The following OR51C1 variants were observed in gnomAD, a reference collection of about 807,000 sequenced individuals.
OR51C1 encodes the protein olfactory receptor family 51 subfamily C member 1.
the OR51C1 span, among the ~76,000 whole-genome samples, chr11:4,692,852 GAA>G: frequency 2.2e-5 from 3 of 136,668 alleles, no homozygotes; most frequent in Admixed American, 2.2e-4. Flanking sequence ...AAGTCTTAGT[GAA>G]AAAAAAAGGG....
chr11:4,693,469 C>T, the OR51C1 span, among the ~76,000 whole-genome samples: 1 of 152,258 alleles, frequency 6.6e-6, no homozygotes, highest in African/African-American at 2.4e-5. Context: ...CGCCTGTAGT[C>T]CCAGCACTTT....
At chr11:4,693,971 A>T in the OR51C1 span, among the ~76,000 whole-genome samples, 1 of 152,238 alleles carries the variant, frequency 6.6e-6, no homozygotes, top group South Asian at 2.1e-4. Context: ...AAAAATGGTT[A>T]TGAAAGTACA....
the OR51C1 span, among the ~76,000 whole-genome samples, chr11:4,694,917 A>G: frequency 6.6e-6 from 1 of 152,094 alleles, no homozygotes. Flanking sequence ...TGATGGGTAA[A>G]TGTGAGTTTA....
At chr11:4,693,419 C>T in the OR51C1 span, among the ~76,000 whole-genome samples, 1 of 152,118 alleles carries the variant, frequency 6.6e-6, no homozygotes, top group Non-Finnish European at 1.5e-5. Flanking sequence ...TTCAGAACGG[C>T]ATGTGTAAAA....
At chr11:4,697,637 A>G in the OR51C1 span, 1 of 152,676 alleles carries the variant, frequency 6.5e-6, no homozygotes, top group Non-Finnish European at 1.5e-5. Flanking sequence ...TCATTGAACA[A>G]AACAGTTTTA....
the OR51C1 span, among the ~76,000 whole-genome samples, chr11:4,695,130 C>T: frequency 1.3e-5 from 2 of 152,104 alleles, no homozygotes; most frequent in African/African-American, 4.8e-5. Context: ...TCTTGAATTC[C>T]ATGGACAGTG....
chr11:4,690,816 A>G, the OR51C1 span: 1 of 442,456 alleles, frequency 2.3e-6, no homozygotes, highest in Non-Finnish European at 4.5e-6. Context: ...TTTGGTTTTC[A>G]CACTGTAGAT....
the OR51C1 span, chr11:4,691,634 T>C: frequency 2.3e-6 from 1 of 440,842 alleles, no homozygotes; most frequent in East Asian, 7.0e-5. Flanking sequence ...TGTGGAAGGC[T>C]TCCAGCCCAG....
At chr11:4,692,764 G>C in the OR51C1 span, among the ~76,000 whole-genome samples, 1 of 151,242 alleles carries the variant, frequency 6.6e-6, no homozygotes, top group Non-Finnish European at 1.5e-5. Context: ...TGACAAAAGA[G>C]AGGATGGAGA....
the OR51C1 span, among the ~76,000 whole-genome samples, chr11:4,695,397 A>G: frequency 6.6e-6 from 1 of 152,180 alleles, no homozygotes; most frequent in Admixed American, 6.6e-5. Context: ...TTGTATAGAT[A>G]TTTCCAAACA....
At chr11:4,697,254 C>T in the OR51C1 span, among the ~76,000 whole-genome samples, 1 of 152,154 alleles carries the variant, frequency 6.6e-6, no homozygotes, top group Admixed American at 6.5e-5. Flanking sequence ...GTAATATAAA[C>T]TTTCTGTGAC....
the OR51C1 span, among the ~76,000 whole-genome samples, chr11:4,692,723 G>C: frequency 6.6e-6 from 1 of 152,050 alleles, no homozygotes; most frequent in Non-Finnish European, 1.5e-5. Context: ...CAGAGGAAAA[G>C]AAAGGGTGCT....
the OR51C1 span, among the ~76,000 whole-genome samples, chr11:4,695,014 T>G: frequency 6.6e-6 from 1 of 152,136 alleles, no homozygotes; most frequent in Non-Finnish European, 1.5e-5. Context: ...CATAAGCCAG[T>G]TTGTTGGATA....
At chr11:4,692,687 G>C in the OR51C1 span, among the ~76,000 whole-genome samples, 1 of 152,162 alleles carries the variant, frequency 6.6e-6, no homozygotes, top group African/African-American at 2.4e-5. Flanking sequence ...ATCAATGAGA[G>C]AGAGCCAGTT....
At chr11:4,691,754 A>G in the OR51C1 span, 20 of 341,968 alleles carry the variant, frequency 5.8e-5, no homozygotes, top group Admixed American at 2.1e-4. Flanking sequence ...AAAAAGCTAC[A>G]TTCATTTGTG....
At chr11:4,694,957 T>G in the OR51C1 span, among the ~76,000 whole-genome samples, 1 of 152,136 alleles carries the variant, frequency 6.6e-6, no homozygotes, top group Non-Finnish European at 1.5e-5. Flanking sequence ...AAGTGTGCTT[T>G]TGCAGTGCCG....
the OR51C1 span, among the ~76,000 whole-genome samples, chr11:4,696,302 C>T: frequency 1.3e-5 from 2 of 152,128 alleles, no homozygotes; most frequent in African/African-American, 4.8e-5. Context: ...CTTCATTTAT[C>T]AGCAAACGAC....
At chr11:4,693,488 G>A in the OR51C1 span, among the ~76,000 whole-genome samples, 1 of 152,158 alleles carries the variant, frequency 6.6e-6, no homozygotes, top group African/African-American at 2.4e-5. Flanking sequence ...TTGGGAGGCC[G>A]AGGTGGGCGG....
chr11:4,691,328 A>G, the OR51C1 span: 1 of 457,678 alleles, frequency 2.2e-6, no homozygotes, highest in Admixed American at 2.3e-5. Flanking sequence ...AGACGGCCAC[A>G]AAACGATCAA....
Sources: gnomAD v4.1 joint callset for allele counts (sites outside exome capture counted in the v4.1 genomes callset) on GRCh38, gnomAD v4.1.1 for gene constraint, MANE v1.5 for transcripts, NCBI Gene and HGNC (gene_info 2026-07-23, HGNC 2026-07-21) for gene names.